Variants in SMYD1 observed in about 807,000 individuals in gnomAD.
SMYD1 encodes the protein histone-lysine N-methyltransferase SMYD1.
A neutral mutation model predicts 54.0 loss-of-function variants in SMYD1; 49 were observed. The observed-to-expected ratio is 0.91, with a 90% confidence interval of 0.72 to 1.15. The LOEUF (loss-of-function observed/expected upper bound fraction) is 1.15, where lower values mean the gene tolerates loss of function less well. Ranked by LOEUF, SMYD1 falls within the 50% of genes most tolerant of loss-of-function variation. The pLI, the probability that SMYD1 is intolerant of heterozygous loss-of-function variation, is 0.00. For missense variants in SMYD1, 653 were observed against 639.6 expected (o/e 1.02, Z -0.23); for synonymous variants, 269 against 234.2 (o/e 1.15, Z -1.36).
intron 5 of SMYD1, 100 bp downstream of exon 5, chr2:88,093,655 C>T: frequency 7.8e-7 from 1 of 1,289,186 alleles, no homozygotes; most frequent in Non-Finnish European, 1.1e-6. Context: ...TGGCTGCCAT[C>T]TGTCCATAAC....
chr2:88,068,750 G>T (rs1673886763), intron 1 of SMYD1, among the ~76,000 whole-genome samples: 1 of 151,620 alleles, frequency 6.6e-6, no homozygotes, highest in Non-Finnish European at 1.5e-5. Flanking sequence ...AAATTCCAAA[G>T]ATCTATTTCC....
chr2:88,110,983 C>G lies in SMYD1; in HGVS notation c.*471C>G, dbSNP rs566944083. ...CCTGGAGTCTCAGGTGGCTGCTCAC[C>G]CATCTGTGCAGGTGTCTCTGGGGCT... is the stretch of plus-strand genomic sequence containing the variant. On this transcript the variant is annotated 3_prime_UTR_variant, in exon 10 of 10. Transcript: ENST00000419482. 6.4e-6 allele frequency: 1 copy of G among 155,636 alleles called. No individual in the cohort carries two copies. Among genetic ancestry groups the G allele is most frequent in the Non-Finnish European group, 1.4e-5 (1 of 70,532 alleles). The allele number at this position is 155,636 out of a possible 1,614,324, so 9.6% of individuals were successfully genotyped here.
At chr2:88,090,035 G>C (rs1674429482) in intron 3 of SMYD1, among the ~76,000 whole-genome samples, 3 of 152,194 alleles carry the variant, frequency 2.0e-5, no homozygotes, top group Non-Finnish European at 4.4e-5. Context: ...GATCCTTGGA[G>C]CTTATCTAGT....
intron 6 of SMYD1, among the ~76,000 whole-genome samples, chr2:88,100,123 C>T (rs76246937): frequency 6.6e-6 from 1 of 152,034 alleles, no homozygotes; most frequent in African/African-American, 2.4e-5. Context: ...CCTTTCACAG[C>T]GGGGGTTCCT....
rs918477120 is a variant in SMYD1, at chr2:88,110,069, C to T, written c.1315-285C>T. 5.3e-5 allele frequency among the ~76,000 whole-genome samples: 8 copies of T among 152,142 alleles called. 1 individual carries two copies. Among genetic ancestry groups the T allele is most frequent in the African/African-American group, 1.9e-4 (8 of 41,410 alleles). On this transcript the variant is annotated intron_variant, in intron 9 of 9. Transcript: ENST00000419482. The stretch of plus-strand genomic sequence containing the variant: ...CAGGGGCCAGGGTTCAAATCCAGGT[C>T]CCCACTGGGCAGTTCCTGGGAACAA...
chr2:88,106,164 C>T (rs772809804), intron 7 of SMYD1, among the ~76,000 whole-genome samples, 161 bp from the exon 8 acceptor site: 3 of 152,162 alleles, frequency 2.0e-5, no homozygotes, highest in South Asian at 4.1e-4. Context: ...AACAGGACCA[C>T]TTTGCAATTC....
At chr2:88,110,287 G>A (rs1573125852) in intron 9 of SMYD1, 67 bp from the exon 10 acceptor site, 18 of 1,500,786 alleles carry the variant, frequency 1.2e-5, no homozygotes, top group South Asian at 4.0e-5. Flanking sequence ...TTACCCCAAG[G>A]TATATCAGAG....
intron 1 of SMYD1, among the ~76,000 whole-genome samples, chr2:88,072,003 GAAAA>G (rs36012666): frequency 6.8e-6 from 1 of 147,674 alleles, no homozygotes; most frequent in East Asian, 2.0e-4. Flanking sequence ...TTAACATTTG[GAAAA>G]AAAAAAAAAA....
intron 1 of SMYD1, among the ~76,000 whole-genome samples, chr2:88,081,251 C>T (rs1207463119): frequency 6.6e-6 from 1 of 151,928 alleles, no homozygotes; most frequent in East Asian, 1.9e-4. Context: ...TGGGTAGATG[C>T]ATATGTCAGA....
At position 88,103,138 on chromosome 2, in the gene SMYD1, T is replaced by C; in HGVS notation, c.969T>C (p.Gly323=). 1 of 1,613,490 alleles carries C rather than the reference T, an allele frequency of 6.2e-7. No individual in the cohort carries two copies. ...LEKIDKARSE[G]LYHEVVKLCR... Reference sequence around the variant, plus strand: ...AGATAGACAAGGCTCGTTCCGAGGGTTTGTATCATGAGGTAAGAATTCACT... The same window carrying C: ...AGATAGACAAGGCTCGTTCCGAGGGCTTGTATCATGAGGTAAGAATTCACT... The change falls in exon 7 of 10, where the codon GGT becomes GGC. Residue 323 remains glycine, a synonymous_variant. Coordinates refer to ENST00000419482, the MANE Select transcript of SMYD1 (RefSeq NM_198274.4).
intron 4 of SMYD1, 115 bp from the exon 5 acceptor site, chr2:88,093,402 T>G: frequency 1.6e-6 from 2 of 1,223,466 alleles, no homozygotes; most frequent in Non-Finnish European, 2.4e-6. Flanking sequence ...TAAAGGTTAT[T>G]GTGATGGCCA....
intron 3 of SMYD1, among the ~76,000 whole-genome samples, chr2:88,088,832 C>T (rs530452186): frequency 1.3e-5 from 2 of 152,016 alleles, no homozygotes; most frequent in Non-Finnish European, 2.9e-5. Flanking sequence ...GTGGGAGCAA[C>T]CAAGCCAGAC....
chr2:88,096,152 G>A (rs192694212), intron 5 of SMYD1, among the ~76,000 whole-genome samples: 1 of 152,232 alleles, frequency 6.6e-6, no homozygotes, highest in Non-Finnish European at 1.5e-5. Flanking sequence ...GTGGGTAACC[G>A]AATGTGTATG....
rs747844248 is a variant in SMYD1 at position 88,088,060 on chromosome 2, G to A, written c.513G>A (p.Ser171=). ...QSQQFSMQYI[S]HIFGVINCNG... ...AGCAGTTCAGCATGCAGTACATCTC[G>A]CACATCTTCGGAGTGGTAGGCCCCC... The change falls in exon 3 of 10, where the codon TCG becomes TCA. Residue 171 remains serine (S), a synonymous_variant. Coordinates refer to ENST00000419482, the MANE Select transcript of SMYD1 (RefSeq NM_198274.4). 2.0e-5 allele frequency: 32 copies of A among 1,613,442 alleles called. No individual in the cohort carries two copies. The highest frequency in any genetic ancestry group is 1.8e-4 in the South Asian group (16 of 91,028).
chr2:88,103,865 G>C (rs925007613), intron 7 of SMYD1, among the ~76,000 whole-genome samples: 5 of 152,090 alleles, frequency 3.3e-5, no homozygotes, highest in Admixed American at 6.6e-5. Flanking sequence ...CAGGGACCAT[G>C]AATTAGTATT....
At chr2:88,077,458 G>A (rs1223457145) in intron 1 of SMYD1, among the ~76,000 whole-genome samples, 1 of 152,200 alleles carries the variant, frequency 6.6e-6, no homozygotes, top group Non-Finnish European at 1.5e-5. Context: ...CAGTCTAAAG[G>A]GTTGCTGTGA....
intron 4 of SMYD1, among the ~76,000 whole-genome samples, chr2:88,092,391 G>A (rs1343138605): frequency 2.0e-5 from 3 of 152,150 alleles, no homozygotes; most frequent in Non-Finnish European, 2.9e-5. Flanking sequence ...AATGAGGCCC[G>A]AGCAATATTA....
intron 1 of SMYD1, among the ~76,000 whole-genome samples, chr2:88,083,753 AG>A (rs1311913686): frequency 6.6e-6 from 1 of 152,186 alleles, no homozygotes; most frequent in Non-Finnish European, 1.5e-5. Flanking sequence ...ATTGAATTGA[AG>A]GGCTTATATG....
In SMYD1 at chr2:88,113,181, A is replaced by G. The variant is rs1031068366; in HGVS notation, c.*2669A>G. 4.6e-5 allele frequency: 7 copies of G among 152,148 alleles called. No individual in the cohort carries two copies. The highest frequency in any genetic ancestry group is 1.0e-4 in the Non-Finnish European group (7 of 68,034). The allele number at this position is 152,148 out of a possible 1,614,324, so 9.4% of individuals were successfully genotyped here. ...TGGAGGGCAGGAGCTGTGTCCTTCT[A>G]TTCATCTTCCTATCCCCAGAACCTT... On this transcript the variant is annotated 3_prime_UTR_variant, in exon 10 of 10. Transcript: ENST00000419482.
Sources: gnomAD v4.1 joint callset for allele counts (sites outside exome capture counted in the v4.1 genomes callset) on GRCh38, gnomAD v4.1.1 for gene constraint, MANE v1.5 for transcripts, NCBI Gene and HGNC (gene_info 2026-07-23, HGNC 2026-07-21) for gene names.